Variants in EDN1 observed in about 807,000 individuals in gnomAD.
EDN1 encodes the protein endothelin-1.
In EDN1, 11 loss-of-function variants were observed where a neutral mutation model predicts 21.7. That is an observed-to-expected ratio of 0.51 (90% CI 0.32 to 0.84). The LOEUF (loss-of-function observed/expected upper bound fraction) is 0.84. Ranked by LOEUF, EDN1 falls within the 40% of genes least tolerant of loss-of-function variation. The probability of loss-of-function intolerance (pLI) is 0.03; values close to 1 mark genes in which losing one functional copy is unlikely to be tolerated. For missense variants in EDN1, 244 were observed against 262.3 expected, an observed-to-expected ratio of 0.93 and a Z score of 0.48; for synonymous variants, 85 against 90.6, an observed-to-expected ratio of 0.94 and a Z score of 0.35.
In EDN1 at chr6:12,296,542, G is replaced by GA. The variant is rs970792658; in HGVS notation, c.*485dup. ...CTCAAAAGACAAACATGCAAGTAAA[G>GA]AAAAAAAAAAGAAAGACTTTTGTTT... On this transcript the variant is annotated 3_prime_UTR_variant, in exon 5 of 5. Transcript: ENST00000379375. 9.4e-4 allele frequency: 140 copies of GA among 148,706 alleles called. No individual in the cohort carries two copies. The highest frequency in any genetic ancestry group is 5.5e-3 in the South Asian group (28 of 5,052). 9.2% of individuals were successfully genotyped at this position (148,706 alleles called of 1,614,324 possible).
the EDN1 span, among the ~76,000 whole-genome samples, chr6:12,265,010 C>T: frequency 1.3e-5 from 2 of 152,108 alleles, no homozygotes; most frequent in Non-Finnish European, 2.9e-5. Flanking sequence ...AAGTCCAACA[C>T]ATAAAAGAGA....
chr6:12,275,644 G>A, the EDN1 span, among the ~76,000 whole-genome samples: 1 of 151,878 alleles, frequency 6.6e-6, no homozygotes, highest in African/African-American at 2.4e-5. Context: ...CAAGATCTGG[G>A]GCAAACAATT....
the EDN1 span, among the ~76,000 whole-genome samples, chr6:12,231,709 A>C: frequency 6.6e-6 from 1 of 151,876 alleles, no homozygotes; most frequent in Non-Finnish European, 1.5e-5. Context: ...TATAACCCTG[A>C]CATTTTCATG....
At position 12,290,774 on chromosome 6, in the gene EDN1, A is replaced by AT. The variant is rs1053838856; in HGVS notation, c.64+86dup. 1.0e-5 allele frequency: 13 copies of AT among 1,284,888 alleles called. No homozygotes were observed. The East Asian group carries it at 1.8e-4, about 18-fold the overall frequency. The allele number at this position is 1,284,888 out of a possible 1,614,324, so 79.6% of individuals were successfully genotyped here. On this transcript the variant is annotated intron_variant, in intron 1 of 4. Coordinates refer to ENST00000379375, the MANE Select transcript of EDN1 (RefSeq NM_001955.5). ...CCACCTTCATGCTTTTCTTGCTTCT[A>AT]TTTTTCCCCGTTCTTTTTATGACTG... is the stretch of plus-strand genomic sequence containing the variant.
upstream of EDN1, among the ~76,000 whole-genome samples, chr6:12,286,395 C>G (rs1177365164): frequency 6.6e-6 from 1 of 152,210 alleles, no homozygotes; most frequent in African/African-American, 2.4e-5. Flanking sequence ...TGATGTGTCA[C>G]AGGCCTAATA....
the EDN1 span, among the ~76,000 whole-genome samples, chr6:12,248,750 A>G: frequency 1.3e-5 from 2 of 152,352 alleles, no homozygotes; most frequent in African/African-American, 2.4e-5. Context: ...GACATTCTGC[A>G]TCAGGTTTTA....
At chr6:12,287,712 T>TCTCACACACACA (rs1380647005), upstream of EDN1, among the ~76,000 whole-genome samples, 1 of 103,050 alleles carries the variant, frequency 9.7e-6, no homozygotes, top group Non-Finnish European at 1.9e-5. Flanking sequence ...TCTCTCTCTC[T>TCTCACACACACA]CACACACACA....
chr6:12,291,867 A>T (rs774267562), intron 1 of EDN1, among the ~76,000 whole-genome samples: 6 of 152,212 alleles, frequency 3.9e-5, no homozygotes, highest in Non-Finnish European at 5.9e-5. Flanking sequence ...GTGGATGGGT[A>T]CCCCCTAAAG....
the EDN1 span, among the ~76,000 whole-genome samples, chr6:12,234,209 A>T: frequency 7.2e-5 from 11 of 152,214 alleles, no homozygotes; most frequent in Non-Finnish European, 1.5e-4. Context: ...GCATTTATTA[A>T]ACTGGCACAA....
the EDN1 span, among the ~76,000 whole-genome samples, chr6:12,277,782 C>T: frequency 6.6e-6 from 1 of 152,160 alleles, no homozygotes; most frequent in African/African-American, 2.4e-5. Flanking sequence ...GCCTCCAGGG[C>T]GGGACTACCG....
upstream of EDN1, among the ~76,000 whole-genome samples, chr6:12,288,247 A>G (rs1160202798): frequency 6.6e-6 from 1 of 151,858 alleles, no homozygotes; most frequent in Non-Finnish European, 1.5e-5. Context: ...GGTTAAAAAA[A>G]AAAAAGTAGG....
the EDN1 span, among the ~76,000 whole-genome samples, chr6:12,242,799 A>G: frequency 2.6e-5 from 4 of 152,134 alleles, no homozygotes; most frequent in Middle Eastern, 3.4e-3. Context: ...TGGCCTGTAT[A>G]TAATATTTCT....
the EDN1 span, among the ~76,000 whole-genome samples, chr6:12,264,411 T>C: frequency 1.3e-5 from 2 of 152,324 alleles, no homozygotes; most frequent in East Asian, 3.9e-4. Context: ...TAATCATTTT[T>C]CCAAAAATAA....
At position 12,296,155 on chromosome 6, in the gene EDN1, C is replaced by T. The variant is rs753228154; in HGVS notation, c.*88C>T. The T allele has an allele frequency of 1.0e-5, 12 of 1,158,528 alleles. No homozygotes were observed. Among genetic ancestry groups the T allele is most frequent in the Non-Finnish European group, 1.4e-5 (11 of 768,140 alleles). The allele number at this position is 1,158,528 out of a possible 1,614,324, so 71.8% of individuals were successfully genotyped here. ...CTCTCCACCCTGGCTGGGATCAGAG[C>T]AGGAGCATCCTCTGCTGGTTCCTGA... On this transcript the variant is annotated 3_prime_UTR_variant, in exon 5 of 5. Coordinates refer to ENST00000379375, the MANE Select transcript of EDN1 (RefSeq NM_001955.5).
At chr6:12,245,978 A>G in the EDN1 span, among the ~76,000 whole-genome samples, 1 of 152,104 alleles carries the variant, frequency 6.6e-6, no homozygotes, top group African/African-American at 2.4e-5. Context: ...AGTAATTGCC[A>G]TAACAATGTT....
intron 4 of EDN1, among the ~76,000 whole-genome samples, chr6:12,295,623 G>A (rs12214969): frequency 6.7e-4 from 102 of 152,212 alleles, no homozygotes; most frequent in Non-Finnish European, 1.3e-3. Context: ...AACCTATGCT[G>A]AGTTCCTCAA....
At chr6:12,271,417 T>C in the EDN1 span, among the ~76,000 whole-genome samples, 1 of 152,204 alleles carries the variant, frequency 6.6e-6, no homozygotes, top group South Asian at 2.1e-4. Flanking sequence ...AGACTATTTT[T>C]AGCTGATAAT....
chr6:12,236,888 C>T, the EDN1 span, among the ~76,000 whole-genome samples: 1 of 151,566 alleles, frequency 6.6e-6, no homozygotes, highest in Non-Finnish European at 1.5e-5. Flanking sequence ...AGGTTTGTTA[C>T]ATATGTATAC....
At chr6:12,240,249 A>G in the EDN1 span, among the ~76,000 whole-genome samples, 1 of 152,186 alleles carries the variant, frequency 6.6e-6, no homozygotes, top group Admixed American at 6.5e-5. Context: ...AAAGGCGCGC[A>G]CTTGGGAGTA....
Sources: allele counts gnomAD v4.1 joint callset (sites outside exome capture counted in the v4.1 genomes callset), GRCh38; gene constraint gnomAD v4.1.1; transcripts MANE v1.5; gene names NCBI Gene and HGNC (gene_info 2026-07-23, HGNC 2026-07-21).